GCC2: variants seen among roughly 807,000 people sequenced by gnomAD.
GCC2 encodes the protein GRIP and coiled-coil domain-containing protein 2.
In GCC2, 120 loss-of-function variants were observed where a neutral mutation model predicts 210.6. The ratio of observed to expected loss-of-function variants is 0.57; its 90% confidence interval spans 0.49 to 0.66. The LOEUF is 0.66. GCC2 is among the 30% of genes least tolerant of loss of function. GCC2 has a pLI of 0.00. For missense variants in GCC2, 1,868 were observed against 1,871.9 expected (o/e 1.00, Z 0.04); for synonymous variants, 703 against 652.7 (o/e 1.08, Z -1.17).
chr2:108,481,140 C>T (rs375349965), intron 9 of GCC2, among the ~76,000 whole-genome samples: 1 of 152,240 alleles, frequency 6.6e-6, no homozygotes, highest in South Asian at 2.1e-4. Flanking sequence ...CTTCAGTAGG[C>T]CAACTAGGAA....
intron 21 of GCC2, among the ~76,000 whole-genome samples, chr2:108,497,676 TTAAAG>T (rs1682712122): frequency 2.0e-5 from 3 of 152,130 alleles, no homozygotes; most frequent in African/African-American, 7.2e-5. Context: ...TTTTTCCTGT[TTAAAG>T]TAGACACCAG....
chr2:108,507,696 AC>A lies in GCC2; in HGVS notation c.*68del. ...TTTACAAAAATGGTTCACGTATATTACCACAATTCTTTTGTCAAAAAGTGTG... is the reference window on the plus strand; with the variant it reads ...TTTACAAAAATGGTTCACGTATATTACACAATTCTTTTGTCAAAAAGTGTG... On this transcript the variant is annotated 3_prime_UTR_variant, in exon 23 of 23. Coordinates refer to ENST00000309863, the MANE Select transcript of GCC2 (RefSeq NM_181453.4). The A allele has an allele frequency of 8.9e-7, 1 of 1,124,596 alleles. No individual in the cohort carries two copies. The highest frequency in any genetic ancestry group is 1.3e-6 in the Non-Finnish European group (1 of 756,260). 69.7% of individuals were successfully genotyped at this position (1,124,596 alleles called of 1,614,324 possible).
chr2:108,455,197 T>C (rs1010417376), intron 4 of GCC2, among the ~76,000 whole-genome samples: 7 of 152,126 alleles, frequency 4.6e-5, no homozygotes, highest in African/African-American at 1.7e-4. Context: ...CCCAGCACTT[T>C]GGGAGGCTGA....
At chr2:108,500,064 A>AT (rs1296914611) in intron 22 of GCC2, among the ~76,000 whole-genome samples, 3 of 151,980 alleles carry the variant, frequency 2.0e-5, no homozygotes, top group African/African-American at 7.2e-5. Flanking sequence ...TTTGTTTTAA[A>AT]TTCTACTTTT....
intron 4 of GCC2, among the ~76,000 whole-genome samples, chr2:108,457,119 T>A (rs1367142392): frequency 6.6e-6 from 1 of 151,720 alleles, no homozygotes; most frequent in African/African-American, 2.4e-5. Context: ...TTGGGTCTTA[T>A]ATAATATAAG....
At chr2:108,486,418 A>C (rs1307746482) in intron 15 of GCC2, 93 bp from the exon 16 acceptor site, 1 of 1,185,378 alleles carries the variant, frequency 8.4e-7, no homozygotes, top group Admixed American at 1.7e-5. Context: ...ATATGTACTT[A>C]TGTCTCAAAC....
intron 7 of GCC2, 90 bp downstream of exon 7, chr2:108,472,989 T>C (rs1290211408): frequency 5.4e-6 from 4 of 741,160 alleles, no homozygotes; most frequent in African/African-American, 3.6e-5. Flanking sequence ...AGCCAAATAA[T>C]GAGTTGTTAA....
At chr2:108,482,720 A>G (rs539580028) in intron 11 of GCC2, among the ~76,000 whole-genome samples, 10 of 152,326 alleles carry the variant, frequency 6.6e-5, no homozygotes, top group African/African-American at 1.9e-4. Flanking sequence ...TCTGTTGCCC[A>G]GGCTGGAGTG....
chr2:108,494,947 G>C (rs1055259261), intron 19 of GCC2: 3 of 161,038 alleles, frequency 1.9e-5, no homozygotes, highest in Non-Finnish European at 4.1e-5. Flanking sequence ...CAGCAGCTGG[G>C]ATTACAGGCA....
intron 4 of GCC2, among the ~76,000 whole-genome samples, chr2:108,458,528 A>G (rs1680389152): frequency 6.6e-6 from 1 of 151,924 alleles, no homozygotes; most frequent in Admixed American, 6.6e-5. Flanking sequence ...ATTTGGTAGA[A>G]TTCAGTGTGC....
At chr2:108,458,011 A>G (rs1680360207) in intron 4 of GCC2, among the ~76,000 whole-genome samples, 1 of 152,202 alleles carries the variant, frequency 6.6e-6, no homozygotes, top group African/African-American at 2.4e-5. Context: ...TCTTAGAGGA[A>G]AGATTTTCAG....
rs548050427 is a variant in GCC2 at position 108,449,321 on chromosome 2, G to A, written c.6+41G>A. On this transcript the variant is annotated intron_variant, in intron 1 of 22. Coordinates refer to ENST00000309863, the MANE Select transcript of GCC2 (RefSeq NM_181453.4). ...CCCACTGCCTCCCATCAAGCCTTCCGCGCCGCGATTTGGGATGTGGGAGTG... is the reference window on the plus strand; with the variant it reads ...CCCACTGCCTCCCATCAAGCCTTCCACGCCGCGATTTGGGATGTGGGAGTG... 15 of 1,542,246 alleles carry A rather than the reference G, an allele frequency of 9.7e-6. No homozygotes were observed. The East Asian group carries it at 3.0e-4, about 30-fold the overall frequency.
intron 5 of GCC2, 81 bp from the exon 6 acceptor site, chr2:108,469,570 T>C (rs1179340201): frequency 2.2e-6 from 2 of 914,072 alleles, no homozygotes; most frequent in East Asian, 4.9e-5. Context: ...TCTACTTAGC[T>C]TGTGGCTAAT....
intron 15 of GCC2, 200 bp from the exon 16 acceptor site, chr2:108,486,308 TTGA>T: frequency 3.5e-6 from 2 of 573,308 alleles, no homozygotes; most frequent in Admixed American, 6.5e-5. Context: ...TTTTTTTGAA[TTGA>T]TGTTGGTTTA....
chr2:108,469,638 T>G lies in GCC2; in HGVS notation c.322-13T>G, dbSNP rs752781355. 1 of 1,553,300 alleles carries G rather than the reference T, an allele frequency of 6.4e-7. No homozygotes were observed. Among genetic ancestry groups the G allele is most frequent in the Non-Finnish European group, 8.7e-7 (1 of 1,152,522 alleles). On this transcript the variant is annotated splice_polypyrimidine_tract_variant and intron_variant, in intron 5 of 22. Coordinates refer to ENST00000309863, the MANE Select transcript of GCC2 (RefSeq NM_181453.4). ...TACTTAAATAATTTATGTGTGCTTA[T>G]TTTTTGTAATAGGATTCTGTAACAA...
chr2:108,457,077 G>T (rs190293628), intron 4 of GCC2, among the ~76,000 whole-genome samples: 3 of 151,826 alleles, frequency 2.0e-5, no homozygotes, highest in African/African-American at 7.3e-5. Context: ...TGATGCATTT[G>T]CCCTGTGTTT....
At chr2:108,480,799 G>C (rs1422092077) in intron 9 of GCC2, among the ~76,000 whole-genome samples, 2 of 152,084 alleles carry the variant, frequency 1.3e-5, no homozygotes, top group East Asian at 3.9e-4. Context: ...ATAACTAATG[G>C]GTACTAGGCT....
chr2:108,487,146 GT>G (rs1328474961), intron 16 of GCC2, among the ~76,000 whole-genome samples: 1 of 152,062 alleles, frequency 6.6e-6, no homozygotes, highest in East Asian at 1.9e-4. Flanking sequence ...TAACCACCCT[GT>G]TTTGAAAACT....
chr2:108,458,603 CATT>C (rs1680393245), intron 4 of GCC2, among the ~76,000 whole-genome samples: 1 of 151,792 alleles, frequency 6.6e-6, no homozygotes, highest in Admixed American at 6.6e-5. Flanking sequence ...TCTTGCTACT[CATT>C]ATTAATTTGT....
Sources: gnomAD v4.1 joint callset for allele counts (sites outside exome capture counted in the v4.1 genomes callset) on GRCh38, gnomAD v4.1.1 for gene constraint, MANE v1.5 for transcripts, NCBI Gene and HGNC (gene_info 2026-07-23, HGNC 2026-07-21) for gene names.